The following DGKI variants were observed in gnomAD, a reference collection of about 807,000 sequenced individuals.
The protein encoded by DGKI is diacylglycerol kinase iota.
DGKI carries 55 observed loss-of-function variants against 147.5 expected under a neutral mutation model. The observed-to-expected ratio is 0.37, with a 90% confidence interval of 0.30 to 0.47. The LOEUF (loss-of-function observed/expected upper bound fraction) is 0.47, where lower values mean the gene tolerates loss of function less well. Ranked by LOEUF, DGKI falls within the 20% of genes least tolerant of loss-of-function variation. The pLI is 1.00. For missense variants in DGKI, 1,007 were observed against 1,323.8 expected (o/e 0.76, Z 3.71); for synonymous variants, 469 against 477.1 (o/e 0.98, Z 0.22).
intron 21 of DGKI, among the ~76,000 whole-genome samples, chr7:137,492,851 G>A (rs1815818823): frequency 6.6e-6 from 1 of 152,170 alleles, no homozygotes; most frequent in Non-Finnish European, 1.5e-5. Context: ...GCCTAACTGG[G>A]GTGTCTCCCA....
At chr7:137,446,127 G>T (rs1813706331) in intron 27 of DGKI, among the ~76,000 whole-genome samples, 1 of 152,182 alleles carries the variant, frequency 6.6e-6, no homozygotes, top group Non-Finnish European at 1.5e-5. Context: ...CATGCCAAAG[G>T]ACAACTAAAT....
chr7:137,670,399 T>C (rs1466242632), intron 3 of DGKI, among the ~76,000 whole-genome samples: 1 of 152,188 alleles, frequency 6.6e-6, no homozygotes, highest in Non-Finnish European at 1.5e-5. Flanking sequence ...ACAGTTGTCA[T>C]AGTAACAATG....
At chr7:137,412,496 T>C (rs1054112316) in intron 28 of DGKI, among the ~76,000 whole-genome samples, 17 of 152,138 alleles carry the variant, frequency 1.1e-4, no homozygotes, top group African/African-American at 4.1e-4. Context: ...CTCTGATACT[T>C]TAAGCAGTAG....
intron 6 of DGKI, among the ~76,000 whole-genome samples, chr7:137,633,793 G>A (rs890443691): frequency 2.0e-5 from 3 of 152,232 alleles, no homozygotes; most frequent in Non-Finnish European, 4.4e-5. Flanking sequence ...CTATTTGCAA[G>A]TGCTTTCAGG....
At chr7:137,659,273 G>A (rs954131185) in intron 3 of DGKI, among the ~76,000 whole-genome samples, 7 of 152,130 alleles carry the variant, frequency 4.6e-5, no homozygotes, top group Non-Finnish European at 1.0e-4. Context: ...AAAGGTCCCA[G>A]GTCTTTTGCC....
rs1406776261 is a variant in DGKI at position 137,600,583 on chromosome 7, A to G, written c.1168-678T>C. ...ATATTTATTTTACTATCATTAATGT[A>G]TGAAAATCCATATAGAAAAGTTATT... On this transcript the variant is annotated intron_variant, in intron 10 of 32. Transcript: ENST00000614521. Among the ~76,000 whole-genome samples the G allele has an allele frequency of 5.3e-5, 8 of 152,328 alleles. No individual in the cohort carries two copies. The East Asian group carries it at 1.3e-3, about 26-fold the overall frequency.
At chr7:137,643,432 C>T (rs1821718287) in intron 6 of DGKI, among the ~76,000 whole-genome samples, 1 of 151,882 alleles carries the variant, frequency 6.6e-6, no homozygotes, top group Non-Finnish European at 1.5e-5. Flanking sequence ...CCATAGCTTT[C>T]CTGTCCAGGG....
chr7:137,599,806 A>G lies in DGKI; in HGVS notation c.1250+17T>C. ...CCTAAAATACATATGGACCATGGAG[A>G]ATATTTCCAGACTTACGCATCTTTT... On this transcript the variant is annotated intron_variant, in intron 11 of 32. Transcript: ENST00000614521. 6.2e-7 allele frequency: 1 copy of G among 1,612,102 alleles called. No homozygotes were observed. The highest frequency in any genetic ancestry group is 1.1e-5 in the South Asian group (1 of 90,980).
intron 28 of DGKI, among the ~76,000 whole-genome samples, chr7:137,442,407 AT>A (rs948067987): frequency 6.6e-6 from 1 of 152,108 alleles, no homozygotes; most frequent in Non-Finnish European, 1.5e-5. Flanking sequence ...CTCACCCACC[AT>A]TTTTGTCTGA....
In DGKI at chr7:137,623,564, T is replaced by C. The variant is rs1265472371; in HGVS notation, c.805-10A>G. 28 of 1,612,254 alleles carry C rather than the reference T, an allele frequency of 1.7e-5. No homozygotes were observed. Among genetic ancestry groups the C allele is most frequent in the Non-Finnish European group, 2.1e-5 (25 of 1,178,440 alleles). ...ACTTTTGCTGGAAGCCCTGGGATATTAGAACAAGAGACAGATAATTTAAAA... is the reference window on the plus strand; with the variant it reads ...ACTTTTGCTGGAAGCCCTGGGATATCAGAACAAGAGACAGATAATTTAAAA... On this transcript the variant is annotated splice_polypyrimidine_tract_variant and intron_variant, in intron 6 of 32. Transcript: ENST00000614521.
intron 4 of DGKI, 40 bp from the exon 5 acceptor site, chr7:137,654,828 G>A (rs1403480816): frequency 3.0e-5 from 39 of 1,311,240 alleles, no homozygotes; most frequent in Non-Finnish European, 3.8e-5. Context: ...TTAGAGATAA[G>A]CATCAGACTA....
intron 25 of DGKI, 149 bp downstream of exon 25, chr7:137,466,751 CAA>C: frequency 1.3e-6 from 1 of 753,278 alleles, no homozygotes. Context: ...CACGTGAAGA[CAA>C]ATAAAAGGTT....
At chr7:137,744,266 C>T (rs1404547789) in intron 1 of DGKI, among the ~76,000 whole-genome samples, 2 of 152,110 alleles carry the variant, frequency 1.3e-5, no homozygotes, top group Admixed American at 1.3e-4. Context: ...TATCTCTATG[C>T]ACACAGACTA....
chr7:137,649,193 C>T lies in DGKI; in HGVS notation c.739-3656G>A, dbSNP rs79725610. On this transcript the variant is annotated intron_variant, in intron 5 of 32. Coordinates refer to ENST00000614521, the MANE Select transcript of DGKI (RefSeq NM_001321708.2). Reference sequence around the variant, plus strand: ...CTTTGACGATTAAATCACATAGTTACCATGGAGGAGGGGAGGATCATCAAT... The same window carrying T: ...CTTTGACGATTAAATCACATAGTTATCATGGAGGAGGGGAGGATCATCAAT... 3.9e-3 allele frequency among the ~76,000 whole-genome samples: 590 copies of T among 152,216 alleles called. 3 individuals carry two copies. Among genetic ancestry groups the T allele is most frequent in the African/African-American group, 0.014 (567 of 41,532 alleles).
chr7:137,387,004 T>C lies in DGKI; in HGVS notation c.*4216A>G, dbSNP rs1418128715. 1 of 152,122 alleles carries C rather than the reference T, an allele frequency of 6.6e-6. No individual in the cohort carries two copies. Among genetic ancestry groups the C allele is most frequent in the Non-Finnish European group, 1.5e-5 (1 of 68,022 alleles). The allele number at this position is 152,122 out of a possible 1,614,324, so 9.4% of individuals were successfully genotyped here. Reference sequence around the variant, plus strand: ...AAAGTCCCATTTTTAAATAGCATAATTGAATAAAATATGCTGTTCTCAGTG... The same window carrying C: ...AAAGTCCCATTTTTAAATAGCATAACTGAATAAAATATGCTGTTCTCAGTG... On this transcript the variant is annotated 3_prime_UTR_variant, in exon 33 of 33. Coordinates refer to ENST00000614521, the MANE Select transcript of DGKI (RefSeq NM_001321708.2).
intron 1 of DGKI, among the ~76,000 whole-genome samples, chr7:137,745,981 T>C (rs1206141832): frequency 6.6e-6 from 1 of 152,000 alleles, no homozygotes; most frequent in Non-Finnish European, 1.5e-5. Flanking sequence ...CAAACAGAAA[T>C]GTGCTACAAT....
chr7:137,435,888 T>TC (rs1813261096), intron 28 of DGKI, among the ~76,000 whole-genome samples: 1 of 152,174 alleles, frequency 6.6e-6, no homozygotes, highest in South Asian at 2.1e-4. Context: ...CAAATGCTTC[T>TC]CTTCCCTCAG....
chr7:137,825,736 T>G (rs1322919240), intron 1 of DGKI, among the ~76,000 whole-genome samples: 1 of 151,510 alleles, frequency 6.6e-6, no homozygotes, highest in Non-Finnish European at 1.5e-5. Flanking sequence ...ACACACTCAG[T>G]GGTAGGCAGT....
chr7:137,692,360 C>T (rs1223557847), intron 1 of DGKI, among the ~76,000 whole-genome samples: 1 of 152,170 alleles, frequency 6.6e-6, no homozygotes, highest in Admixed American at 6.5e-5. Context: ...AAATACCAAA[C>T]CACACCCAAG....
Sources: allele counts gnomAD v4.1 joint callset (sites outside exome capture counted in the v4.1 genomes callset), GRCh38; gene constraint gnomAD v4.1.1; transcripts MANE v1.5; gene names NCBI Gene and HGNC (gene_info 2026-07-23, HGNC 2026-07-21).